Variants in KCNC2 observed in about 807,000 individuals in gnomAD.
KCNC2 encodes voltage-gated potassium channel KCNC2.
A neutral mutation model predicts 44.5 loss-of-function variants in KCNC2; 21 were observed. The observed-to-expected ratio is 0.47, with a 90% CI of 0.33 to 0.68. The LOEUF (loss-of-function observed/expected upper bound fraction) is 0.68, where lower values mean the gene tolerates loss of function less well. Among genes scored for constraint, KCNC2 ranks in the 30% least tolerant of loss-of-function variants. The pLI, the probability that KCNC2 is intolerant of heterozygous loss-of-function variation, is 0.01. For synonymous variants in KCNC2, 391 were observed against 339.1 expected (o/e 1.15, Z -1.68); for missense variants, 589 against 826.2 (o/e 0.71, Z 3.52).
intron 2 of KCNC2, among the ~76,000 whole-genome samples, chr12:75,129,211 C>G (rs756205164): frequency 3.3e-5 from 5 of 152,164 alleles, no homozygotes; most frequent in Non-Finnish European, 7.3e-5. Context: ...AAACTAACCA[C>G]CAGATGAACT....
At chr12:75,080,315 CTGTTT>C (rs1884376139) in intron 2 of KCNC2, among the ~76,000 whole-genome samples, 1 of 151,790 alleles carries the variant, frequency 6.6e-6, no homozygotes. Context: ...GGATTAGAAA[CTGTTT>C]TGTTTTAAAT....
chr12:75,041,804 G>A lies in KCNC2; in HGVS notation c.*1301C>T, dbSNP rs1879935411. The A allele has an allele frequency of 1.0e-6, 1 of 989,516 alleles. No homozygotes were observed. The highest frequency in any genetic ancestry group is 1.2e-6 in the Non-Finnish European group (1 of 832,474). 61.3% of individuals were successfully genotyped at this position (989,516 alleles called of 1,614,324 possible). ...CCGATTAACTTAGGTAGTCTACAGA[G>A]CATCATTAATTTATACACAAAGCAG... On this transcript the variant is annotated 3_prime_UTR_variant, in exon 5 of 5. Coordinates refer to ENST00000549446, the MANE Select transcript of KCNC2 (RefSeq NM_139137.4).
At chr12:75,119,161 A>T (rs1367686660) in intron 2 of KCNC2, among the ~76,000 whole-genome samples, 3 of 152,190 alleles carry the variant, frequency 2.0e-5, no homozygotes, top group Admixed American at 6.5e-5. Context: ...CTTTTCACAA[A>T]ATGGCCCTGT....
chr12:75,050,220 A>C (rs1230249018), intron 3 of KCNC2, among the ~76,000 whole-genome samples, 170 bp downstream of exon 3: 1 of 151,764 alleles, frequency 6.6e-6, no homozygotes, highest in African/African-American at 2.4e-5. Flanking sequence ...TTCAATTAGA[A>C]AATGCTACAG....
At chr12:75,179,599 A>AGATAGTTTT (rs1892418946) in intron 2 of KCNC2, among the ~76,000 whole-genome samples, 1 of 129,622 alleles carries the variant, frequency 7.7e-6, no homozygotes, top group Non-Finnish European at 1.7e-5. Flanking sequence ...AAGGCATAAA[A>AGATAGTTTT]ATGTGTTTTA....
At chr12:75,045,845 A>G (rs1025061954) in intron 4 of KCNC2, among the ~76,000 whole-genome samples, 1 of 151,916 alleles carries the variant, frequency 6.6e-6, no homozygotes, top group African/African-American at 2.4e-5. Context: ...AGCTAGAAAA[A>G]TAATTCAGTG....
chr12:75,191,712 G>A (rs2030291658), intron 2 of KCNC2, among the ~76,000 whole-genome samples: 1 of 150,456 alleles, frequency 6.6e-6, no homozygotes, highest in Non-Finnish European at 1.5e-5. Flanking sequence ...CACCGCGCCC[G>A]GCTAATTTTT....
chr12:75,137,239 A>G (rs188965284), intron 2 of KCNC2, among the ~76,000 whole-genome samples: 15 of 151,738 alleles, frequency 9.9e-5, no homozygotes, highest in African/African-American at 3.1e-4. Flanking sequence ...ATAAATACCA[A>G]CTCCTCAAGG....
chr12:75,185,031 A>C (rs1892841137), intron 2 of KCNC2, among the ~76,000 whole-genome samples: 1 of 152,222 alleles, frequency 6.6e-6, no homozygotes, highest in African/African-American at 2.4e-5. Context: ...AGCCGGAAGA[A>C]AACGCAGAAT....
At chr12:75,167,847 A>G (rs939306716) in intron 2 of KCNC2, among the ~76,000 whole-genome samples, 10 of 151,386 alleles carry the variant, frequency 6.6e-5, no homozygotes, top group Admixed American at 2.0e-4. Flanking sequence ...ATGTATGCCA[A>G]TGTCTCAAGA....
At chr12:75,197,787 A>G (rs2030902591) in intron 2 of KCNC2, among the ~76,000 whole-genome samples, 2 of 151,988 alleles carry the variant, frequency 1.3e-5, no homozygotes, top group Admixed American at 1.3e-4. Flanking sequence ...GACAAAGTAG[A>G]GGAAACACAA....
At chr12:75,157,090 C>G (rs988950507) in intron 2 of KCNC2, among the ~76,000 whole-genome samples, 1 of 151,874 alleles carries the variant, frequency 6.6e-6, no homozygotes, top group Non-Finnish European at 1.5e-5. Flanking sequence ...CCTTCTTCCT[C>G]ACTGACAGAA....
At chr12:75,074,523 C>A (rs1216281518) in intron 2 of KCNC2, among the ~76,000 whole-genome samples, 1 of 152,122 alleles carries the variant, frequency 6.6e-6, no homozygotes, top group Admixed American at 6.5e-5. Context: ...GCAAAAACTG[C>A]ATTAACTTTG....
chr12:75,190,527 C>T (rs1370895880), intron 2 of KCNC2, among the ~76,000 whole-genome samples: 1 of 152,092 alleles, frequency 6.6e-6, no homozygotes, highest in Non-Finnish European at 1.5e-5. Flanking sequence ...TCTTTGTTTG[C>T]CTACACTTTA....
At chr12:75,122,457 G>A (rs1888111915) in intron 2 of KCNC2, among the ~76,000 whole-genome samples, 1 of 152,100 alleles carries the variant, frequency 6.6e-6, no homozygotes, top group Admixed American at 6.5e-5. Context: ...AAAGAGTAAG[G>A]CTAAAGTCCT....
intron 2 of KCNC2, among the ~76,000 whole-genome samples, chr12:75,097,293 T>G (rs1478280213): frequency 6.6e-6 from 1 of 152,062 alleles, no homozygotes; most frequent in Non-Finnish European, 1.5e-5. Flanking sequence ...TTTTACAGCA[T>G]TAAAATTATT....
chr12:75,078,359 C>T (rs1565834918), intron 2 of KCNC2, among the ~76,000 whole-genome samples: 1 of 152,156 alleles, frequency 6.6e-6, no homozygotes, highest in Non-Finnish European at 1.5e-5. Context: ...TCCTCAAACT[C>T]ATGTGTTTCA....
intron 2 of KCNC2, among the ~76,000 whole-genome samples, chr12:75,072,341 T>C (rs899612136): frequency 6.6e-6 from 1 of 152,128 alleles, no homozygotes; most frequent in Non-Finnish European, 1.5e-5. Flanking sequence ...TAATCTCTGG[T>C]AAGTAAATCT....
chr12:75,153,935 G>A (rs995150535), intron 2 of KCNC2, among the ~76,000 whole-genome samples: 1 of 151,860 alleles, frequency 6.6e-6, no homozygotes, highest in Non-Finnish European at 1.5e-5. Context: ...GGCAGAAAAG[G>A]TGGAGGAGGT....
Sources: gnomAD v4.1 joint callset for allele counts (sites outside exome capture counted in the v4.1 genomes callset) on GRCh38, gnomAD v4.1.1 for gene constraint, MANE v1.5 for transcripts, NCBI Gene and HGNC (gene_info 2026-07-23, HGNC 2026-07-21) for gene names.